The following TP73 variants were observed in gnomAD, a reference collection of about 807,000 sequenced individuals.
TP73 encodes the protein tumor protein p73.
Under a neutral mutation model 62.5 loss-of-function variants are expected in TP73, and 25 were observed. The ratio of observed to expected loss-of-function variants is 0.40; its 90% CI spans 0.29 to 0.56. The LOEUF (loss-of-function observed/expected upper bound fraction) is 0.56, where lower values mean the gene tolerates loss of function less well. TP73 is among the 20% of genes least tolerant of loss of function. TP73 has a pLI of 0.46. For synonymous variants in TP73, 423 were observed against 377.5 expected, an observed-to-expected ratio of 1.12 and a Z score of -1.40; for missense variants, 754 against 913.3, an observed-to-expected ratio of 0.83 and a Z score of 2.25.
intron 1 of TP73, among the ~76,000 whole-genome samples, chr1:3,676,859 T>C (rs1339239858): frequency 6.6e-6 from 1 of 151,696 alleles, no homozygotes; most frequent in Non-Finnish European, 1.5e-5. Context: ...CAGCTGGGCG[T>C]GCGTTCTGCT....
At chr1:3,728,917 G>A (rs1159227123) in intron 9 of TP73, among the ~76,000 whole-genome samples, 1 of 152,216 alleles carries the variant, frequency 6.6e-6, no homozygotes, top group Admixed American at 6.5e-5. Flanking sequence ...GAGCCCAGGA[G>A]TCCAAGGCTG....
chr1:3,687,362 C>G (rs3765720), intron 3 of TP73, among the ~76,000 whole-genome samples: 45,810 of 152,124 alleles, frequency 0.3, 7,285 homozygotes, highest in East Asian at 0.49. Context: ...CCTGGCCACC[C>G]CCACACCGTC....
At chr1:3,730,757 A>C (rs897711792) in intron 11 of TP73, among the ~76,000 whole-genome samples, 170 bp from the exon 12 acceptor site, 7 of 152,152 alleles carry the variant, frequency 4.6e-5, no homozygotes, top group Non-Finnish European at 1.5e-5. Context: ...ACAGGGCCCC[A>C]GGTGTTCAGC....
intron 4 of TP73, among the ~76,000 whole-genome samples, chr1:3,721,435 A>C (rs1048466787): frequency 6.6e-6 from 1 of 152,234 alleles, no homozygotes; most frequent in African/African-American, 2.4e-5. Flanking sequence ...AGAGGGTGTC[A>C]GAGTCACCAG....
rs1642429839 is a variant in TP73 at position 3,735,844 on chromosome 1, T to C, written c.*2765T>C. ...GGTCAGAAACAGCGACTCTCCCCCA[T>C]TCCCCCAGCGTTCCCACCAGGCCTG... On this transcript the variant is annotated 3_prime_UTR_variant, in exon 14 of 14. Coordinates refer to ENST00000378295, the MANE Select transcript of TP73 (RefSeq NM_005427.4). 6.6e-6 allele frequency: 1 copy of C among 152,104 alleles called. No individual in the cohort carries two copies. The highest frequency in any genetic ancestry group is 2.4e-5 in the African/African-American group (1 of 41,408). 9.4% of individuals were successfully genotyped at this position (152,104 alleles called of 1,614,324 possible).
Position 3,662,522 on chromosome 1 carries a change from G to C in TP73, c.-34+9881G>C, listed in dbSNP as rs1452983438. Among the ~76,000 whole-genome samples the C allele has an allele frequency of 6.6e-6, 1 of 152,236 alleles. No individual in the cohort carries two copies. The highest frequency in any genetic ancestry group is 1.5e-5 in the Non-Finnish European group (1 of 68,042). ...GACATGCGTCTCTCAGGCGATCAGA[G>C]TTACCTGGAGCCGCTCTCCTCCCGG... On this transcript the variant is annotated intron_variant, in intron 1 of 13. Transcript: ENST00000378295. The surrounding 1 kb of genome is among the most constrained non-coding windows in gnomAD (Gnocchi z 4.4).
chr1:3,690,945 G>T, intron 3 of TP73: 1 of 1,579,038 alleles, frequency 6.3e-7, no homozygotes, highest in Non-Finnish European at 8.6e-7. Flanking sequence ...CCTCGCCACG[G>T]TAGGTGTGAC....
rs1457346498 is a variant in TP73, at chr1:3,682,393, G to T, written c.28G>T (p.Asp10Tyr). 2 of 1,565,288 alleles carry T rather than the reference G, an allele frequency of 1.3e-6. No homozygotes were observed. Among genetic ancestry groups the T allele is most frequent in the African/African-American group, 1.4e-5 (1 of 73,898 alleles). Residue 10 changes from aspartate (D) to tyrosine (Y), a missense_variant, in exon 2 of 14, where the codon GAT becomes TAT. Transcript: ENST00000378295. The stretch of plus-strand genomic sequence containing the variant: ...GGCCCAGTCCACCGCCACCTCCCCT[G>T]ATGGGGGCACCACGTTTGAGCACCT... MAQSTATSP[D>Y]GGTTFEHLWS...
intron 4 of TP73, among the ~76,000 whole-genome samples, chr1:3,708,768 G>A (rs780024596): frequency 7.9e-5 from 12 of 152,148 alleles, no homozygotes; most frequent in Non-Finnish European, 1.6e-4. Flanking sequence ...CTCCTGCACC[G>A]AGGAGGGGGC....
At chr1:3,690,061 C>T (rs758174214) in intron 3 of TP73, among the ~76,000 whole-genome samples, 2 of 152,218 alleles carry the variant, frequency 1.3e-5, no homozygotes, top group Non-Finnish European at 2.9e-5. Flanking sequence ...GCCCCACTGC[C>T]GGGCTGTTCT....
intron 1 of TP73, among the ~76,000 whole-genome samples, chr1:3,665,363 A>C (rs1645087506): frequency 6.6e-6 from 1 of 152,210 alleles, no homozygotes; most frequent in Non-Finnish European, 1.5e-5. Context: ...TGCTAATTGG[A>C]TTAATATGAA....
chr1:3,696,001 C>G lies in TP73; in HGVS notation c.187-11548C>G, dbSNP rs964688766. Among the ~76,000 whole-genome samples, 1 of 152,198 alleles carries G rather than the reference C, an allele frequency of 6.6e-6. No homozygotes were observed. The highest frequency in any genetic ancestry group is 2.4e-5 in the African/African-American group (1 of 41,448). ...TGCAGCAGAGCAGGGGTGAAAACGC[C>G]GCGGTCGGCCGTGGCTGTGTTGGAG... On this transcript the variant is annotated intron_variant, in intron 3 of 13. Transcript: ENST00000378295. This position sits in a 1 kb window ranked among gnomAD's most constrained non-coding sequence, Gnocchi z 4.1.
At chr1:3,700,694 T>A (rs1639085621) in intron 3 of TP73, among the ~76,000 whole-genome samples, 1 of 151,400 alleles carries the variant, frequency 6.6e-6, no homozygotes, top group Non-Finnish European at 1.5e-5. Flanking sequence ...GGCAAGATAA[T>A]CGCTTGAACC....
rs996389542 is a variant in TP73 at position 3,663,689 on chromosome 1, C to T, written c.-34+11048C>T. The stretch of plus-strand genomic sequence containing the variant: ...CAAGATCGTGCAACAATGCGAGACT[C>T]CATCTCAAAAAAAAAAAAAAAGAAA... On this transcript the variant is annotated intron_variant, in intron 1 of 13. Coordinates refer to ENST00000378295, the MANE Select transcript of TP73 (RefSeq NM_005427.4). The surrounding 1 kb of genome is among the most constrained non-coding windows in gnomAD (Gnocchi z 4.7). 7.6e-6 allele frequency among the ~76,000 whole-genome samples: 1 copy of T among 132,426 alleles called. No homozygotes were observed. The highest frequency in any genetic ancestry group is 2.2e-4 in the East Asian group (1 of 4,460). 86.9% of individuals were successfully genotyped at this position (132,426 alleles called of 152,430 possible).
rs374726724 is a variant in TP73, at chr1:3,662,639, T to C, written c.-34+9998T>C. On this transcript the variant is annotated intron_variant, in intron 1 of 13. Coordinates refer to ENST00000378295, the MANE Select transcript of TP73 (RefSeq NM_005427.4). This position sits in a 1 kb window ranked among gnomAD's most constrained non-coding sequence, Gnocchi z 4.4. ...CTCCTGTGTCTGCAGTTACTCGAAA[T>C]AATGGATATACCCAAGGCATGTTTG... Among the ~76,000 whole-genome samples the C allele has an allele frequency of 2.0e-4, 30 of 152,302 alleles. No homozygotes were observed. Among genetic ancestry groups the C allele is most frequent in the East Asian group, 1.5e-3 (8 of 5,166 alleles).
intron 4 of TP73, 102 bp downstream of exon 4, chr1:3,707,893 G>C (rs1639806742): frequency 5.4e-6 from 8 of 1,482,108 alleles, no homozygotes; most frequent in African/African-American, 2.8e-5. Context: ...TCGCCCCACT[G>C]TCTGCTCGGG....
chr1:3,708,767 C>T (rs568677479), intron 4 of TP73, among the ~76,000 whole-genome samples: 2 of 152,256 alleles, frequency 1.3e-5, no homozygotes, highest in East Asian at 1.9e-4. Flanking sequence ...CCTCCTGCAC[C>T]GAGGAGGGGG....
At position 3,730,973 on chromosome 1, in the gene TP73, C is replaced by T. The variant is rs767248912; in HGVS notation, c.1392C>T (p.Gly464=). The change falls in exon 12 of 14, where the codon GGC becomes GGT. Residue 464 remains glycine, a synonymous_variant. Coordinates refer to ENST00000378295, the MANE Select transcript of TP73 (RefSeq NM_005427.4). ...NNHGHAVPAN[G]EMSSSHSAQS... ...ATGGCCACGCAGTGCCAGCCAACGG[C>T]GAGATGAGCAGCAGCCACAGCGCCC... The T allele has an allele frequency of 2.3e-5, 37 of 1,611,790 alleles. No individual in the cohort carries two copies. Among genetic ancestry groups the T allele is most frequent in the Middle Eastern group, 1.6e-4 (1 of 6,066 alleles).
chr1:3,731,517 G>A lies in TP73; in HGVS notation c.1539G>A (p.Gly513=), dbSNP rs755382293. Reference sequence around the variant, plus strand: ...GCATCGAGTATTTCACCTCCCAAGGGTTACAGAGCATTTACCACCTGCAGA... The same window carrying A: ...GCATCGAGTATTTCACCTCCCAAGGATTACAGAGCATTTACCACCTGCAGA... The part of the protein sequence containing the change: ...PNCIEYFTSQ[G]LQSIYHLQNL... The change falls in exon 13 of 14, where the codon GGG becomes GGA. Residue 513 remains glycine (G), a synonymous_variant. Transcript: ENST00000378295. 6.2e-7 allele frequency: 1 copy of A among 1,613,874 alleles called. No homozygotes were observed. The highest frequency in any genetic ancestry group is 1.1e-5 in the South Asian group (1 of 91,084).
Sources: allele counts gnomAD v4.1 joint callset (sites outside exome capture counted in the v4.1 genomes callset), GRCh38; gene constraint gnomAD v4.1.1; non-coding constraint Gnocchi (gnomAD v3.1); transcripts MANE v1.5; gene names NCBI Gene and HGNC (gene_info 2026-07-23, HGNC 2026-07-21).